Variants in ENTPD1 observed in about 807,000 individuals in gnomAD.
ENTPD1 encodes ATP diphosphohydrolase.
ENTPD1 carries 33 observed loss-of-function variants against 57.0 expected under a neutral mutation model. The observed-to-expected ratio is 0.58, with a 90% CI of 0.44 to 0.77. The LOEUF (loss-of-function observed/expected upper bound fraction) is 0.77, where lower values mean the gene tolerates loss of function less well. ENTPD1 is among the 30% of genes least tolerant of loss of function. ENTPD1 has a pLI of 0.00. For missense variants in ENTPD1, 501 were observed against 603.4 expected (o/e 0.83, Z 1.78); for synonymous variants, 202 against 218.8 (o/e 0.92, Z 0.68).
chr10:95,801,574 A>G (rs1470482157), intron 1 of ENTPD1, among the ~76,000 whole-genome samples: 1 of 150,768 alleles, frequency 6.6e-6, no homozygotes, highest in Admixed American at 6.6e-5. Flanking sequence ...ATTTTTATTT[A>G]TTTATTTTTG....
At chr10:95,777,468 C>T (rs529281942) in intron 1 of ENTPD1, among the ~76,000 whole-genome samples, 1 of 152,254 alleles carries the variant, frequency 6.6e-6, no homozygotes, top group South Asian at 2.1e-4. Flanking sequence ...GCAGAGGCTG[C>T]AGAACAGCAA....
upstream of ENTPD1, among the ~76,000 whole-genome samples, chr10:95,709,889 G>A (rs1028678106): frequency 8.6e-5 from 13 of 150,930 alleles, no homozygotes; most frequent in African/African-American, 2.7e-4. Flanking sequence ...CCTTAGCCCC[G>A]GCCCCCCCCA....
At chr10:95,721,701 C>T (rs185661916) in intron 1 of ENTPD1, among the ~76,000 whole-genome samples, 6 of 149,704 alleles carry the variant, frequency 4.0e-5, no homozygotes, top group East Asian at 4.0e-4. Flanking sequence ...AAAAAAAAAC[C>T]GGGATGCCAT....
At chr10:95,850,596 T>C (rs571400621) in intron 7 of ENTPD1, among the ~76,000 whole-genome samples, 14 of 152,156 alleles carry the variant, frequency 9.2e-5, no homozygotes, top group Non-Finnish European at 1.9e-4. Context: ...TATCAACATA[T>C]CAACTGGCTC....
chr10:95,702,849 C>A, the ENTPD1 span, among the ~76,000 whole-genome samples: 68 of 152,304 alleles, frequency 4.5e-4, no homozygotes, highest in African/African-American at 1.6e-3. Context: ...ATGGTGCGAT[C>A]TCGGTTCACT....
chr10:95,798,151 T>G lies in ENTPD1; in HGVS notation c.17-25086T>G, dbSNP rs148117910. ...CCAGGAAAGGAGAGTGCTTATGTAC[T>G]AAGATGTCAAATGTCAGATTGCACA... is the stretch of plus-strand genomic sequence containing the variant. On this transcript the variant is annotated intron_variant, in intron 1 of 9. Transcript: ENST00000371205. Among the ~76,000 whole-genome samples, 246 of 152,292 alleles carry G rather than the reference T, an allele frequency of 1.6e-3. 7 individuals carry two copies. The East Asian group carries it at 0.043, about 27-fold the overall frequency.
upstream of ENTPD1, among the ~76,000 whole-genome samples, chr10:95,708,008 T>C (rs2097963199): frequency 6.6e-6 from 1 of 152,116 alleles, no homozygotes; most frequent in Admixed American, 6.6e-5. Flanking sequence ...AAAAAGATAC[T>C]AGATTTTTCC....
chr10:95,870,423 C>T lies in ENTPD1; in HGVS notation c.*4040C>T. ...GTGTGCACCTAAGTAGCTAGGACTA[C>T]AGGTGTGCACCACCATGTCTAGCTA... On this transcript the variant is annotated 3_prime_UTR_variant, in exon 10 of 10. Transcript: ENST00000371205. 1 of 670,296 alleles carries T rather than the reference C, an allele frequency of 1.5e-6. No individual in the cohort carries two copies. Among genetic ancestry groups the T allele is most frequent in the South Asian group, 6.7e-5 (1 of 14,978 alleles). The allele number at this position is 670,296 out of a possible 1,614,324, so 41.5% of individuals were successfully genotyped here. A position where few individuals can be genotyped will look rare whatever the true frequency, so the allele number is the denominator to read the frequency against.
intron 1 of ENTPD1, among the ~76,000 whole-genome samples, chr10:95,786,256 G>C (rs553730628): frequency 6.6e-6 from 1 of 152,148 alleles, no homozygotes; most frequent in African/African-American, 2.4e-5. Flanking sequence ...CCAGGTTTTG[G>C]TGAGAAGGAC....
chr10:95,870,426 G>A lies in ENTPD1; in HGVS notation c.*4043G>A, dbSNP rs998674108. The A allele has an allele frequency of 1.5e-6, 1 of 677,394 alleles. No individual in the cohort carries two copies. Among genetic ancestry groups the A allele is most frequent in the Non-Finnish European group, 1.8e-6 (1 of 549,046 alleles). 42.0% of individuals were successfully genotyped at this position (677,394 alleles called of 1,614,324 possible). On this transcript the variant is annotated 3_prime_UTR_variant, in exon 10 of 10. Coordinates refer to ENST00000371205, the MANE Select transcript of ENTPD1 (RefSeq NM_001776.6). Reference sequence around the variant, plus strand: ...TGCACCTAAGTAGCTAGGACTACAGGTGTGCACCACCATGTCTAGCTATTT... The same window carrying A: ...TGCACCTAAGTAGCTAGGACTACAGATGTGCACCACCATGTCTAGCTATTT...
chr10:95,823,420 CA>C (rs1212041540), intron 2 of ENTPD1, 56 bp downstream of exon 2: 14 of 1,610,100 alleles, frequency 8.7e-6, no homozygotes, highest in African/African-American at 2.7e-5. Context: ...CTGGGTGGGA[CA>C]GGGGGAGGAG....
At chr10:95,844,742 T>G in intron 5 of ENTPD1, 107 bp downstream of exon 5, 1 of 1,227,452 alleles carries the variant, frequency 8.1e-7, no homozygotes, top group Non-Finnish European at 1.2e-6. Context: ...GAATGATAGA[T>G]GGATGGATGG....
intron 1 of ENTPD1, among the ~76,000 whole-genome samples, chr10:95,740,753 G>A (rs1248386031): frequency 1.3e-5 from 2 of 152,194 alleles, no homozygotes; most frequent in Non-Finnish European, 2.9e-5. Flanking sequence ...TTCTCCATCA[G>A]CACTTGCTGC....
At chr10:95,704,624 C>A in the ENTPD1 span, among the ~76,000 whole-genome samples, 1 of 152,036 alleles carries the variant, frequency 6.6e-6, no homozygotes, top group African/African-American at 2.4e-5. Flanking sequence ...TCCTACCTTA[C>A]CTATACCCAA....
the ENTPD1 span, among the ~76,000 whole-genome samples, chr10:95,695,792 T>C: frequency 6.6e-6 from 1 of 152,216 alleles, no homozygotes; most frequent in Non-Finnish European, 1.5e-5. Context: ...TAGAACAGTG[T>C]CTGGGACATG....
chr10:95,799,798 C>T (rs184324582), intron 1 of ENTPD1, among the ~76,000 whole-genome samples: 21 of 152,134 alleles, frequency 1.4e-4, no homozygotes, highest in Admixed American at 1.1e-3. Context: ...TGCCAGCATC[C>T]GTTATTTTTT....
At chr10:95,724,197 A>G (rs1455822844) in intron 1 of ENTPD1, among the ~76,000 whole-genome samples, 2 of 146,092 alleles carry the variant, frequency 1.4e-5, no homozygotes, top group Non-Finnish European at 3.0e-5. Flanking sequence ...GCCCTTTCCC[A>G]GATAGCCTCA....
intron 2 of ENTPD1, among the ~76,000 whole-genome samples, chr10:95,828,900 G>C (rs1010784021): frequency 6.6e-6 from 1 of 151,986 alleles, no homozygotes; most frequent in Non-Finnish European, 1.5e-5. Context: ...TACTAGAGAC[G>C]GGGTTTCTCC....
rs200451742 is a variant in ENTPD1, at chr10:95,756,192, G to T, written c.-48G>T. The stretch of plus-strand genomic sequence containing the variant: ...AGACGGACCACAGCAAGCAGAGGCT[G>T]GGGGGGGGAAAGACGAGGAAAGAGG... On this transcript the variant is annotated 5_prime_UTR_variant, in exon 1 of 10. Coordinates refer to ENST00000371205, the MANE Select transcript of ENTPD1 (RefSeq NM_001776.6). 1.2e-3 allele frequency: 1,711 copies of T among 1,370,552 alleles called. No individual in the cohort carries two copies. The highest frequency in any genetic ancestry group is 1.6e-3 in the Non-Finnish European group (1,598 of 1,016,084). 84.9% of individuals were successfully genotyped at this position (1,370,552 alleles called of 1,614,324 possible).
Sources: gnomAD v4.1 joint callset for allele counts (sites outside exome capture counted in the v4.1 genomes callset) on GRCh38, gnomAD v4.1.1 for gene constraint, MANE v1.5 for transcripts, NCBI Gene and HGNC (gene_info 2026-07-23, HGNC 2026-07-21) for gene names.